The following C1QTNF3 variants were observed in gnomAD, a reference collection of about 807,000 sequenced individuals.
C1QTNF3 encodes the protein C1q and TNF related 3.
A neutral mutation model predicts 32.6 loss-of-function variants in C1QTNF3; 26 were observed. The observed-to-expected ratio is 0.80, with a 90% CI of 0.58 to 1.11. The LOEUF (loss-of-function observed/expected upper bound fraction) is 1.11. C1QTNF3 is among the 50% of genes least tolerant of loss of function. The pLI, the probability that C1QTNF3 is intolerant of heterozygous loss-of-function variation, is 0.00. For synonymous variants in C1QTNF3, 155 were observed against 146.0 expected (o/e 1.06, Z -0.44); for missense variants, 362 against 398.2 (o/e 0.91, Z 0.77).
chr5:34,027,826 C>G, intron 4 of C1QTNF3, among the ~76,000 whole-genome samples: 1 of 144,206 alleles, frequency 6.9e-6, no homozygotes, highest in Admixed American at 6.9e-5. Context: ...CATTCAGCTA[C>G]AAGAAAGAAG....
chr5:34,197,903 G>T, the C1QTNF3 span, among the ~76,000 whole-genome samples: 2 of 152,068 alleles, frequency 1.3e-5, no homozygotes, highest in Non-Finnish European at 2.9e-5. Context: ...TCACATGGCA[G>T]AAGGGTCAAG....
At chr5:34,229,042 A>G in the C1QTNF3 span, among the ~76,000 whole-genome samples, 1 of 152,020 alleles carries the variant, frequency 6.6e-6, no homozygotes, top group African/African-American at 2.4e-5. Flanking sequence ...ATTTTATCTG[A>G]CAAACAGCAG....
At chr5:34,144,203 CAAG>C in the C1QTNF3 span, among the ~76,000 whole-genome samples, 2 of 152,154 alleles carry the variant, frequency 1.3e-5, no homozygotes, top group African/African-American at 4.8e-5. Context: ...TACAATCCAA[CAAG>C]AAGACTTAAC....
the C1QTNF3 span, among the ~76,000 whole-genome samples, chr5:34,201,806 T>A: frequency 1.3e-5 from 2 of 152,204 alleles, no homozygotes; most frequent in Non-Finnish European, 2.9e-5. Flanking sequence ...GTGCATTTCA[T>A]ACATATACAA....
intron 5 of C1QTNF3, among the ~76,000 whole-genome samples, chr5:34,023,373 T>C (rs918466871): frequency 1.3e-5 from 2 of 152,244 alleles, no homozygotes; most frequent in African/African-American, 4.8e-5. Context: ...CTAACTCATC[T>C]TCCTGTCTTT....
chr5:34,030,297 T>C (rs980564099), intron 3 of C1QTNF3, among the ~76,000 whole-genome samples: 2 of 152,166 alleles, frequency 1.3e-5, no homozygotes, highest in African/African-American at 4.8e-5. Context: ...GCTTAATCAG[T>C]AAAAGATCAG....
the C1QTNF3 span, chr5:34,175,550 C>T: frequency 1.2e-5 from 4 of 329,828 alleles, no homozygotes; most frequent in Admixed American, 4.3e-5. Flanking sequence ...ATGAAATAGA[C>T]AAGAAAAAGG....
chr5:34,133,625 G>GAGGCA, the C1QTNF3 span, among the ~76,000 whole-genome samples: 1 of 152,200 alleles, frequency 6.6e-6, no homozygotes, highest in South Asian at 2.1e-4. Flanking sequence ...AGGAAACGAA[G>GAGGCA]AGGCATCTCA....
At chr5:34,209,527 G>A in the C1QTNF3 span, among the ~76,000 whole-genome samples, 70,128 of 149,908 alleles carry the variant, frequency 0.47, 19,144 homozygotes, top group African/African-American at 0.76. Context: ...CATTAAAATA[G>A]AAATAATCTG....
chr5:34,067,264 CTCTA>C, the C1QTNF3 span, among the ~76,000 whole-genome samples: 3 of 152,198 alleles, frequency 2.0e-5, no homozygotes, highest in Admixed American at 6.5e-5. Flanking sequence ...CTGTTTCACC[CTCTA>C]TCTGTTACCC....
chr5:34,068,852 T>C, the C1QTNF3 span, among the ~76,000 whole-genome samples: 1 of 152,170 alleles, frequency 6.6e-6, no homozygotes, highest in African/African-American at 2.4e-5. Flanking sequence ...AGTTTATCTA[T>C]GTCACAAATA....
intron 2 of C1QTNF3, among the ~76,000 whole-genome samples, chr5:34,034,113 G>A (rs1239599539): frequency 1.3e-5 from 2 of 152,234 alleles, no homozygotes; most frequent in Non-Finnish European, 2.9e-5. Context: ...GCTACAGGGA[G>A]CCTGGATCAT....
At chr5:34,164,606 T>C in the C1QTNF3 span, 1 of 151,848 alleles carries the variant, frequency 6.6e-6, no homozygotes, top group South Asian at 2.1e-4. Flanking sequence ...GCTACAAATA[T>C]GTTCATTATC....
upstream of C1QTNF3, among the ~76,000 whole-genome samples, chr5:34,046,293 A>G (rs1186734575): frequency 6.6e-6 from 1 of 152,166 alleles, no homozygotes; most frequent in Non-Finnish European, 1.5e-5. Context: ...TGAGTCATGA[A>G]TTGCTGTTTG....
At chr5:34,123,885 T>C in the C1QTNF3 span, among the ~76,000 whole-genome samples, 1 of 152,214 alleles carries the variant, frequency 6.6e-6, no homozygotes, top group African/African-American at 2.4e-5. Context: ...TTAATTTTTT[T>C]CCAAAGGAAA....
chr5:34,122,058 T>C, the C1QTNF3 span, among the ~76,000 whole-genome samples: 2 of 152,224 alleles, frequency 1.3e-5, no homozygotes, highest in Non-Finnish European at 2.9e-5. Context: ...TATCAATTTA[T>C]TACAGCAATT....
chr5:34,033,383 T>A lies in C1QTNF3; in HGVS notation c.491A>T (p.Asp164Val). 2 of 1,614,030 alleles carry A rather than the reference T, an allele frequency of 1.2e-6. No individual in the cohort carries two copies. The highest frequency in any genetic ancestry group is 1.7e-6 in the Non-Finnish European group (2 of 1,179,994). ...GAKGEKGDKGDLGPRGERGQH... is the reference protein window; with the variant it reads ...GAKGEKGDKGVLGPRGERGQH... The stretch of plus-strand genomic sequence containing the variant: ...CCCCCGCTCCCCTCGAGGCCCCAGG[T>A]CACCTTTGTCGCCCTTCTCACCTTT... The change falls in exon 3 of 6, where the codon GAC (aspartate) becomes GTC (valine). Residue 164 changes from aspartate (D) to valine (V), a missense_variant. Transcript: ENST00000382065.
the C1QTNF3 span, among the ~76,000 whole-genome samples, chr5:34,235,977 T>C: frequency 2.0e-5 from 3 of 152,294 alleles, no homozygotes; most frequent in East Asian, 5.8e-4. Flanking sequence ...TTCAAGAACA[T>C]AGGCTACTAA....
At chr5:34,194,117 A>G in the C1QTNF3 span, among the ~76,000 whole-genome samples, 21 of 151,208 alleles carry the variant, frequency 1.4e-4, no homozygotes, top group African/African-American at 4.9e-4. Context: ...CTTTGCAATT[A>G]TATGACTCAA....
Sources: allele counts gnomAD v4.1 joint callset (sites outside exome capture counted in the v4.1 genomes callset), GRCh38; gene constraint gnomAD v4.1.1; transcripts MANE v1.5; gene names NCBI Gene and HGNC (gene_info 2026-07-23, HGNC 2026-07-21).